Variants in EPM2A observed in about 807,000 individuals in gnomAD.
The protein encoded by EPM2A is laforin.
In EPM2A, 21 loss-of-function variants were observed where a neutral mutation model predicts 26.5. The observed-to-expected ratio is 0.79, with a 90% CI of 0.56 to 1.14. The LOEUF (loss-of-function observed/expected upper bound fraction) is 1.14. EPM2A is among the 50% of genes most tolerant of loss of function. The pLI, the probability that EPM2A is intolerant of heterozygous loss-of-function variation, is 0.00. For synonymous variants in EPM2A, 217 were observed against 177.6 expected (o/e 1.22, Z -1.76); for missense variants, 458 against 440.8 (o/e 1.04, Z -0.35).
chr6:145,577,441 G>A (rs1195409766), intron 2 of EPM2A, among the ~76,000 whole-genome samples: 3 of 150,180 alleles, frequency 2.0e-5, no homozygotes, highest in Non-Finnish European at 4.4e-5. Flanking sequence ...ACTATGAAAA[G>A]AGACAAAAAA....
At chr6:145,462,689 A>T (rs1308638116) in intron 4 of EPM2A, among the ~76,000 whole-genome samples, 1 of 152,148 alleles carries the variant, frequency 6.6e-6, no homozygotes, top group African/African-American at 2.4e-5. Flanking sequence ...TGTGTCCAAA[A>T]GGCAGTCTTC....
At chr6:145,699,589 AC>A (rs1188387448) in intron 1 of EPM2A, among the ~76,000 whole-genome samples, 4 of 152,224 alleles carry the variant, frequency 2.6e-5, no homozygotes, top group African/African-American at 7.2e-5. Flanking sequence ...GACAAAGAGT[AC>A]AAGAATGTAT....
chr6:145,412,015 C>T (rs1199011473), intron 4 of EPM2A, among the ~76,000 whole-genome samples: 3 of 151,890 alleles, frequency 2.0e-5, no homozygotes, highest in Admixed American at 1.3e-4. Context: ...GTCAGGAGTT[C>T]GAGGCCAGCC....
chr6:145,576,090 C>T (rs1354982862), intron 2 of EPM2A, among the ~76,000 whole-genome samples: 2 of 152,220 alleles, frequency 1.3e-5, no homozygotes, highest in African/African-American at 2.4e-5. Flanking sequence ...CCCACCTTGG[C>T]TTCCCAAAGT....
At chr6:145,475,138 T>A (rs1438062900) in intron 4 of EPM2A, among the ~76,000 whole-genome samples, 1 of 152,192 alleles carries the variant, frequency 6.6e-6, no homozygotes, top group Non-Finnish European at 1.5e-5. Flanking sequence ...CAAAGGATTA[T>A]AAATCATTCT....
At chr6:145,508,284 G>A (rs1780006566) in intron 2 of EPM2A, among the ~76,000 whole-genome samples, 1 of 152,232 alleles carries the variant, frequency 6.6e-6, no homozygotes, top group South Asian at 2.1e-4. Context: ...TGAGCTGAGG[G>A]AGGGTGCTTT....
chr6:145,499,782 G>T (rs956425242), downstream of EPM2A, among the ~76,000 whole-genome samples: 3 of 152,066 alleles, frequency 2.0e-5, no homozygotes, highest in African/African-American at 7.2e-5. Context: ...TTTATATATT[G>T]TCTTTATAAT....
chr6:145,679,660 C>G (rs560926596), intron 2 of EPM2A, among the ~76,000 whole-genome samples: 2 of 151,984 alleles, frequency 1.3e-5, no homozygotes, highest in African/African-American at 2.4e-5. Context: ...AAAATGGACC[C>G]ATACCAAGAC....
chr6:145,452,521 A>C (rs1387902436), intron 4 of EPM2A, among the ~76,000 whole-genome samples: 1 of 79,530 alleles, frequency 1.3e-5, no homozygotes, highest in East Asian at 4.0e-4. Context: ...AAAAAAAAAA[A>C]AATAGCCGGG....
chr6:145,508,173 G>A lies in EPM2A; in HGVS notation c.341-5598C>T, dbSNP rs182429473. Among the ~76,000 whole-genome samples the A allele has an allele frequency of 1.1e-4, 17 of 152,282 alleles. No individual in the cohort carries two copies. The East Asian group carries it at 2.7e-3, about 24-fold the overall frequency. ...CTTTCTTCTTCAGTGCACTGCTGTCGACATGACAAAAGGTCTTCCAGGTGG... is the reference window on the plus strand; with the variant it reads ...CTTTCTTCTTCAGTGCACTGCTGTCAACATGACAAAAGGTCTTCCAGGTGG... On this transcript the variant is annotated intron_variant, in intron 2 of 3. Coordinates refer to the EPM2A transcript ENST00000450221.
intron 2 of EPM2A, among the ~76,000 whole-genome samples, chr6:145,596,260 A>G: frequency 6.6e-6 from 1 of 152,112 alleles, no homozygotes; most frequent in Non-Finnish European, 1.5e-5. Context: ...GCAATTTGTA[A>G]TTTTGTACTG....
At chr6:145,519,222 C>T (rs1780171550) in intron 2 of EPM2A, among the ~76,000 whole-genome samples, 1 of 152,232 alleles carries the variant, frequency 6.6e-6, no homozygotes, top group East Asian at 1.9e-4. Flanking sequence ...GGAAAAAAAG[C>T]TCTACTAGGA....
chr6:145,631,801 T>G (rs1776271052), intron 3 of EPM2A: 1 of 152,054 alleles, frequency 6.6e-6, no homozygotes, highest in African/African-American at 2.4e-5. Context: ...CCTAAAGATA[T>G]GCTTTATCCA....
At chr6:145,585,192 C>T (rs1160400231) in intron 2 of EPM2A, among the ~76,000 whole-genome samples, 1 of 152,096 alleles carries the variant, frequency 6.6e-6, no homozygotes, top group Admixed American at 6.5e-5. Context: ...TTCTCTTCAT[C>T]ATGAGTATGA....
At chr6:145,535,791 A>G (rs1425737842) in intron 2 of EPM2A, among the ~76,000 whole-genome samples, 2 of 152,182 alleles carry the variant, frequency 1.3e-5, no homozygotes, top group Non-Finnish European at 1.5e-5. Flanking sequence ...TATAGTTTCA[A>G]TTGGTGTTTG....
chr6:145,500,693 T>C (rs922779051), downstream of EPM2A, among the ~76,000 whole-genome samples: 15 of 152,188 alleles, frequency 9.9e-5, no homozygotes, highest in Non-Finnish European at 1.8e-4. Context: ...TCCCCCACTG[T>C]GTTCCCAGAG....
At position 145,425,996 on chromosome 6, in the gene EPM2A, C is replaced by T. The variant is rs1006062080; in HGVS notation, c.556-41899G>A. On this transcript the variant is annotated intron_variant, in intron 4 of 4. Transcript: ENST00000638717. ...TATTTTAAATTATCTATTTAAAAAG[C>T]CTCTGTAGGAATTAAAATCTTTATA... 1.2e-4 allele frequency among the ~76,000 whole-genome samples: 18 copies of T among 152,072 alleles called. 1 individual carries two copies. The highest frequency in any genetic ancestry group is 3.6e-4 in the African/African-American group (15 of 41,422).
At chr6:145,460,270 T>C (rs577780300) in intron 4 of EPM2A, among the ~76,000 whole-genome samples, 1 of 152,134 alleles carries the variant, frequency 6.6e-6, no homozygotes, top group Non-Finnish European at 1.5e-5. Flanking sequence ...CAAATATCAA[T>C]GGAAATTATA....
At chr6:145,704,087 C>T (rs1305578009) in intron 1 of EPM2A, among the ~76,000 whole-genome samples, 2 of 152,144 alleles carry the variant, frequency 1.3e-5, no homozygotes, top group South Asian at 2.1e-4. Flanking sequence ...CTGCTTATAT[C>T]TGAGCAAAAT....
Sources: allele counts gnomAD v4.1 joint callset (sites outside exome capture counted in the v4.1 genomes callset), GRCh38; gene constraint gnomAD v4.1.1; transcripts MANE v1.5; gene names NCBI Gene and HGNC (gene_info 2026-07-23, HGNC 2026-07-21).